The following CNNM1 variants were observed in gnomAD, a reference collection of about 807,000 sequenced individuals.
The protein encoded by CNNM1 is metal transporter CNNM1.
A neutral mutation model predicts 78.8 loss-of-function variants in CNNM1; 44 were observed. The observed-to-expected ratio is 0.56, with a 90% confidence interval of 0.44 to 0.72. The LOEUF (loss-of-function observed/expected upper bound fraction) is 0.72, where lower values mean the gene tolerates loss of function less well. Ranked by LOEUF, CNNM1 falls within the 30% of genes least tolerant of loss-of-function variation. CNNM1 has a pLI of 0.00. For synonymous variants in CNNM1, 584 were observed against 581.5 expected, an observed-to-expected ratio of 1.00 and a Z score of -0.06; for missense variants, 1,101 against 1,292.2, an observed-to-expected ratio of 0.85 and a Z score of 2.27.
intron 6 of CNNM1, among the ~76,000 whole-genome samples, chr10:99,375,519 T>G (rs999816639): frequency 2.0e-5 from 3 of 152,200 alleles, no homozygotes; most frequent in Non-Finnish European, 4.4e-5. Context: ...AGTGGACTCC[T>G]TAATTCCATA....
intron 2 of CNNM1, 46 bp downstream of exon 2, chr10:99,357,701 T>G (rs999082586): frequency 2.0e-6 from 3 of 1,506,840 alleles, no homozygotes; most frequent in African/African-American, 1.4e-5. Context: ...CTTATTTTCC[T>G]CCAAGACTCT....
intron 6 of CNNM1, chr10:99,368,207 G>A (rs1159308990): frequency 1.4e-5 from 3 of 217,552 alleles, no homozygotes; most frequent in Non-Finnish European, 2.8e-5. Flanking sequence ...GAGTACCTGT[G>A]CAGGTGCCCT....
chr10:99,335,010 G>A (rs1373425381), intron 1 of CNNM1, among the ~76,000 whole-genome samples: 1 of 152,176 alleles, frequency 6.6e-6, no homozygotes, highest in African/African-American at 2.4e-5. Context: ...GGACCCGAAA[G>A]CCTGTTCTTT....
chr10:99,388,604 TAA>T (rs1203624920), intron 9 of CNNM1, among the ~76,000 whole-genome samples: 1 of 152,242 alleles, frequency 6.6e-6, no homozygotes, highest in African/African-American at 2.4e-5. Flanking sequence ...TTATTGAACC[TAA>T]GACTCAGTTT....
intron 6 of CNNM1, chr10:99,368,602 G>T: frequency 7.8e-7 from 1 of 1,288,912 alleles, no homozygotes; most frequent in Non-Finnish European, 1.0e-6. Flanking sequence ...CAAATCCTTG[G>T]CCCCTGACTC....
At chr10:99,350,321 C>A (rs1466375828) in intron 1 of CNNM1, among the ~76,000 whole-genome samples, 1 of 152,190 alleles carries the variant, frequency 6.6e-6, no homozygotes, top group African/African-American at 2.4e-5. Flanking sequence ...AACCATAAAA[C>A]GATTTTGCTT....
In CNNM1 at chr10:99,329,574, C is replaced by G; in HGVS notation, c.187C>G (p.Arg63Gly). The change falls in exon 1 of 11, where the codon CGC becomes GGC. Residue 63 changes from arginine to glycine, a missense_variant. Arg to Gly is a moderately radical substitution (Grantham distance 125). Transcript: ENST00000356713. ...CGTGTCCCTGGAGGGGGGCACCCTG[C>G]GCGCCGCCGAAGGCACCAGCTTCCT... ...GRVSLEGGTL[R>G]AAEGTSFLLR... The G allele has an allele frequency of 1.3e-6, 2 of 1,523,388 alleles. No homozygotes were observed. The highest frequency in any genetic ancestry group is 1.7e-6 in the Non-Finnish European group (2 of 1,146,660). 94.4% of individuals were successfully genotyped at this position (1,523,388 alleles called of 1,614,324 possible). A position where few individuals can be genotyped will look rare whatever the true frequency, so the allele number is the denominator to read the frequency against.
intron 2 of CNNM1, among the ~76,000 whole-genome samples, chr10:99,359,965 A>G (rs541395703): frequency 6.6e-6 from 1 of 151,734 alleles, no homozygotes; most frequent in Non-Finnish European, 1.5e-5. Flanking sequence ...CCGGGGGGGA[A>G]GTAGATATAT....
chr10:99,387,847 C>T lies in CNNM1; in HGVS notation c.2368C>T (p.Leu790Phe). Reference sequence around the variant, plus strand: ...CACACGGCAGCAATATCAGAACGCACTCACTGCCTGCCACATGGACAGCTC... The same window carrying T: ...CACACGGCAGCAATATCAGAACGCATTCACTGCCTGCCACATGGACAGCTC... ...KITRQQYQNA[L>F]TACHMDSSPQ... The change falls in exon 8 of 11, where the codon CTC becomes TTC. Residue 790 changes from leucine to phenylalanine, a missense_variant. By Grantham distance (22) the Leu-to-Phe change is conservative (BLOSUM62 0). Coordinates refer to ENST00000356713, the MANE Select transcript of CNNM1 (RefSeq NM_020348.3). 2 of 1,609,542 alleles carry T rather than the reference C, an allele frequency of 1.2e-6. No homozygotes were observed. The highest frequency in any genetic ancestry group is 1.7e-6 in the Non-Finnish European group (2 of 1,177,774).
At chr10:99,366,617 A>G (rs148701583) in intron 6 of CNNM1, among the ~76,000 whole-genome samples, 2 of 152,220 alleles carry the variant, frequency 1.3e-5, no homozygotes, top group African/African-American at 4.8e-5. Context: ...CCTTGTCTCT[A>G]CTAAAAATAC....
intron 1 of CNNM1, among the ~76,000 whole-genome samples, chr10:99,336,349 T>C (rs993759072): frequency 6.6e-6 from 1 of 152,226 alleles, no homozygotes; most frequent in East Asian, 1.9e-4. Context: ...CTAGGAGCAA[T>C]AGATTATAAC....
At position 99,365,987 on chromosome 10, in the gene CNNM1, T is replaced by G. The variant is rs569693885; in HGVS notation, c.2176+985T>G. ...AGATGCTTCCTGGTGTCCTGGCTAG[T>G]TCACACAGCACAATAAAATACAGAT... On this transcript the variant is annotated intron_variant, in intron 6 of 10. Transcript: ENST00000356713. Among the ~76,000 whole-genome samples the G allele has an allele frequency of 4.6e-5, 7 of 152,300 alleles. No homozygotes were observed. The South Asian group carries it at 1.5e-3, about 32-fold the overall frequency.
intron 1 of CNNM1, among the ~76,000 whole-genome samples, chr10:99,339,656 A>G (rs1394463465): frequency 2.6e-5 from 4 of 152,126 alleles, no homozygotes; most frequent in Admixed American, 1.3e-4. Flanking sequence ...CTCCCACCCT[A>G]GTTCATGGAA....
intron 1 of CNNM1, among the ~76,000 whole-genome samples, chr10:99,356,401 G>A (rs1485171581): frequency 3.3e-5 from 5 of 151,482 alleles, no homozygotes; most frequent in East Asian, 3.9e-4. Flanking sequence ...ACTTGAACCC[G>A]GAAGGCGGAG....
At chr10:99,382,606 T>TA (rs1203053222) in intron 7 of CNNM1, among the ~76,000 whole-genome samples, 1 of 152,080 alleles carries the variant, frequency 6.6e-6, no homozygotes, top group Non-Finnish European at 1.5e-5. Flanking sequence ...TCTATAAAAA[T>TA]AAATTTTTAA....
chr10:99,336,376 T>C (rs1424622607), intron 1 of CNNM1, among the ~76,000 whole-genome samples: 1 of 152,264 alleles, frequency 6.6e-6, no homozygotes, highest in Non-Finnish European at 1.5e-5. Context: ...CCTATGTGTG[T>C]AGTACACTAT....
At chr10:99,358,807 T>C (rs1418528188) in intron 2 of CNNM1, among the ~76,000 whole-genome samples, 1 of 152,024 alleles carries the variant, frequency 6.6e-6, no homozygotes, top group Non-Finnish European at 1.5e-5. Flanking sequence ...AGGTGTAGCC[T>C]GGGCAACATG....
intron 7 of CNNM1, among the ~76,000 whole-genome samples, chr10:99,383,703 G>A (rs2032224231): frequency 1.3e-5 from 2 of 152,210 alleles, no homozygotes. Flanking sequence ...GCATTCGAGG[G>A]ACTGGGTAGA....
chr10:99,330,383 C>A lies in CNNM1; in HGVS notation c.996C>A (p.Thr332=). Residue 332 remains threonine, a synonymous_variant, in exon 1 of 11, where the codon ACC becomes ACA. Coordinates refer to ENST00000356713, the MANE Select transcript of CNNM1 (RefSeq NM_020348.3). ...CGTGGCTGCCGGCGCTCGTGTGCACCGGCGCGGTATTCCTGGGCGCCGAAA... is the reference window on the plus strand; with the variant it reads ...CGTGGCTGCCGGCGCTCGTGTGCACAGGCGCGGTATTCCTGGGCGCCGAAA... ...HFPWLPALVC[T]GAVFLGAEIC... is the part of the protein sequence containing the mutation. 1 of 1,595,762 alleles carries A rather than the reference C, an allele frequency of 6.3e-7. No individual in the cohort carries two copies. The highest frequency in any genetic ancestry group is 1.1e-5 in the South Asian group (1 of 87,956).
Sources: allele counts gnomAD v4.1 joint callset (sites outside exome capture counted in the v4.1 genomes callset), GRCh38; gene constraint gnomAD v4.1.1; transcripts MANE v1.5; gene names NCBI Gene and HGNC (gene_info 2026-07-23, HGNC 2026-07-21).